ESR1: variants seen among roughly 807,000 people sequenced by gnomAD.
ESR1 encodes estrogen receptor 1.
ESR1 carries 12 observed loss-of-function variants against 52.7 expected under a neutral mutation model. That is an observed-to-expected ratio of 0.23 (90% confidence interval 0.15 to 0.37). The LOEUF (loss-of-function observed/expected upper bound fraction) is 0.37. Among genes scored for constraint, ESR1 ranks in the 10% least tolerant of loss-of-function variants. ESR1 has a pLI of 1.00. For synonymous variants in ESR1, 305 were observed against 316.8 expected (o/e 0.96, Z 0.39); for missense variants, 584 against 779.7 (o/e 0.75, Z 2.99).
At chr6:151,954,812 G>T (rs1584448028) in intron 4 of ESR1, among the ~76,000 whole-genome samples, 1 of 152,178 alleles carries the variant, frequency 6.6e-6, no homozygotes, top group Admixed American at 6.5e-5. Flanking sequence ...GGCAGCAATG[G>T]AATACAATCA....
chr6:151,905,024 A>G (rs934078299), intron 3 of ESR1, among the ~76,000 whole-genome samples: 1 of 152,242 alleles, frequency 6.6e-6, no homozygotes, highest in Non-Finnish European at 1.5e-5. Flanking sequence ...AGGCCAAAGA[A>G]CTAAGAACAG....
intron 3 of ESR1, among the ~76,000 whole-genome samples, chr6:151,926,624 C>A (rs1410393288): frequency 1.3e-5 from 2 of 151,652 alleles, no homozygotes; most frequent in African/African-American, 4.8e-5. Flanking sequence ...ATGGTATTTT[C>A]TAAACTTTGA....
At chr6:152,029,185 T>C (rs527976230) in intron 5 of ESR1, among the ~76,000 whole-genome samples, 1 of 152,070 alleles carries the variant, frequency 6.6e-6, no homozygotes, top group Non-Finnish European at 1.5e-5. Flanking sequence ...TCCACAAAGA[T>C]GGGGAAAAAA....
At chr6:151,977,008 A>G (rs1385851277) in intron 4 of ESR1, among the ~76,000 whole-genome samples, 1 of 152,176 alleles carries the variant, frequency 6.6e-6, no homozygotes. Flanking sequence ...TATGGTGGCT[A>G]GATGCCATGA....
intron 4 of ESR1, among the ~76,000 whole-genome samples, chr6:152,003,840 T>C (rs1164119526): frequency 6.6e-6 from 1 of 152,006 alleles, no homozygotes; most frequent in East Asian, 1.9e-4. Flanking sequence ...AGTTTGTATA[T>C]ATCGTGATCA....
At chr6:151,692,011 A>G (rs1778982933) in intron 1 of ESR1, among the ~76,000 whole-genome samples, 1 of 152,232 alleles carries the variant, frequency 6.6e-6, no homozygotes, top group African/African-American at 2.4e-5. Context: ...GACATGTAGG[A>G]AAAAAGCAAA....
chr6:151,871,280 A>G (rs1342822244), intron 2 of ESR1, among the ~76,000 whole-genome samples: 1 of 152,162 alleles, frequency 6.6e-6, no homozygotes, highest in Non-Finnish European at 1.5e-5. Context: ...TAAGATATAC[A>G]TAATATGAAA....
At chr6:151,689,531 G>A (rs1368676734), upstream of ESR1, among the ~76,000 whole-genome samples, 2 of 152,248 alleles carry the variant, frequency 1.3e-5, no homozygotes, top group East Asian at 1.9e-4. Context: ...GTATAGAGAA[G>A]ACTGAAGACA....
chr6:152,108,681 T>C lies in ESR1; in HGVS notation c.851-16585T>C, dbSNP rs2051096078. On this transcript the variant is annotated intron_variant, in intron 6 of 6. Transcript: ENST00000427531. ...GAATACTGAGCAATCTATGGAGCTT[T>C]TAAATGTACCCATTGGAGTGTGCCA... 2.6e-5 allele frequency among the ~76,000 whole-genome samples: 4 copies of C among 152,176 alleles called. No individual in the cohort carries two copies. The South Asian group carries it at 6.2e-4, about 24-fold the overall frequency.
intron 6 of ESR1, among the ~76,000 whole-genome samples, chr6:152,118,618 T>TG (rs375144668): frequency 9.1e-5 from 3 of 32,938 alleles, no homozygotes; most frequent in Non-Finnish European, 1.9e-4. Flanking sequence ...AGGTAAGGGG[T>TG]GGGGGGCAAG....
At chr6:152,054,496 T>C (rs1307093190) in intron 5 of ESR1, among the ~76,000 whole-genome samples, 1 of 151,950 alleles carries the variant, frequency 6.6e-6, no homozygotes, top group Non-Finnish European at 1.5e-5. Context: ...TCTTCCAGAC[T>C]CGTCTCTCTC....
intron 5 of ESR1, among the ~76,000 whole-genome samples, chr6:152,020,435 T>A (rs2043538834): frequency 6.6e-6 from 1 of 152,112 alleles, no homozygotes; most frequent in African/African-American, 2.4e-5. Context: ...ACAACAGTTC[T>A]TATTTTTTCC....
chr6:151,681,712 C>T (rs1464766857), intron 1 of ESR1, among the ~76,000 whole-genome samples: 1 of 152,158 alleles, frequency 6.6e-6, no homozygotes, highest in African/African-American at 2.4e-5. Flanking sequence ...CAGGCTGCTT[C>T]CTCCAGGCCG....
chr6:151,849,601 G>A (rs1562473105), intron 2 of ESR1, among the ~76,000 whole-genome samples: 1 of 150,894 alleles, frequency 6.6e-6, no homozygotes, highest in African/African-American at 2.4e-5. Flanking sequence ...CTGAGATCGC[G>A]ACACTGCACT....
chr6:151,770,803 G>C (rs1021447596), intron 2 of ESR1, among the ~76,000 whole-genome samples: 2 of 152,014 alleles, frequency 1.3e-5, no homozygotes, highest in South Asian at 4.1e-4. Flanking sequence ...GACAGATGAA[G>C]ACTCTTTCTA....
rs777960039 is a variant in ESR1 at position 152,101,492 on chromosome 6, C to G, written c.*2526C>G. On this transcript the variant is annotated 3_prime_UTR_variant, in exon 8 of 8. Coordinates refer to ENST00000206249, the MANE Select transcript of ESR1 (RefSeq NM_000125.4). ...TGTTTCTATTCATGTTAAGATACTA[C>G]TACATTTGAAGTGGGCAGAGAACAT... The G allele has an allele frequency of 4.3e-6, 1 of 232,422 alleles. No individual in the cohort carries two copies. Among genetic ancestry groups the G allele is most frequent in the Admixed American group, 5.6e-5 (1 of 17,778 alleles). The allele number at this position is 232,422 out of a possible 1,614,324, so 14.4% of individuals were successfully genotyped here. A position where few individuals can be genotyped will look rare whatever the true frequency, so the allele number is the denominator to read the frequency against.
intron 1 of ESR1, among the ~76,000 whole-genome samples, chr6:151,810,026 G>T (rs990209417): frequency 2.0e-5 from 3 of 152,046 alleles, no homozygotes; most frequent in African/African-American, 7.2e-5. Flanking sequence ...TTAATTTTCA[G>T]TTCTTTTATT....
chr6:151,883,622 A>G (rs1430537254), intron 3 of ESR1, among the ~76,000 whole-genome samples: 3 of 152,122 alleles, frequency 2.0e-5, no homozygotes, highest in Admixed American at 1.3e-4. Flanking sequence ...TAGTCATACC[A>G]GGGGCTAGGG....
At chr6:151,992,048 C>G (rs1465683935) in intron 4 of ESR1, among the ~76,000 whole-genome samples, 1 of 152,132 alleles carries the variant, frequency 6.6e-6, no homozygotes, top group African/African-American at 2.4e-5. Context: ...CTGCATCTGC[C>G]ATTTTGATTT....
Sources: allele counts gnomAD v4.1 joint callset (sites outside exome capture counted in the v4.1 genomes callset), GRCh38; gene constraint gnomAD v4.1.1; transcripts MANE v1.5; gene names NCBI Gene and HGNC (gene_info 2026-07-23, HGNC 2026-07-21).